DLGAP2: variants seen among roughly 807,000 people sequenced by gnomAD.
The protein encoded by DLGAP2 is disks large-associated protein 2.
A neutral mutation model predicts 100.3 loss-of-function variants in DLGAP2; 26 were observed. The ratio of observed to expected loss-of-function variants is 0.26; its 90% CI spans 0.19 to 0.36. DLGAP2 has a LOEUF of 0.36. Ranked by LOEUF, DLGAP2 falls within the 10% of genes least tolerant of loss-of-function variation. The probability of loss-of-function intolerance (pLI) is 1.00; values close to 1 mark genes in which losing one functional copy is unlikely to be tolerated. For synonymous variants in DLGAP2, 886 were observed against 630.1 expected (o/e 1.41, Z -6.08); for missense variants, 1,858 against 1,453.2 (o/e 1.28, Z -4.53).
chr8:1,013,530 G>C (rs1208497436), intron 2 of DLGAP2, among the ~76,000 whole-genome samples: 3 of 152,182 alleles, frequency 2.0e-5, no homozygotes, highest in Non-Finnish European at 4.4e-5. Context: ...ATGGGGGTGG[G>C]TGATGATGTT....
chr8:1,665,828 T>C (rs182708178), intron 8 of DLGAP2, among the ~76,000 whole-genome samples: 62 of 152,310 alleles, frequency 4.1e-4, no homozygotes, highest in African/African-American at 1.4e-3. Context: ...CCATGACAAA[T>C]GGGTTACCAT....
intron 1 of DLGAP2, among the ~76,000 whole-genome samples, chr8:831,916 G>T (rs771710520): frequency 6.6e-6 from 1 of 152,026 alleles, no homozygotes; most frequent in African/African-American, 2.4e-5. Flanking sequence ...GCTGACTGGC[G>T]TGAGATGGTA....
chr8:1,192,146 G>A (rs983351313), intron 2 of DLGAP2, among the ~76,000 whole-genome samples: 10 of 152,272 alleles, frequency 6.6e-5, no homozygotes, highest in Middle Eastern at 3.4e-3. Context: ...ACTGGCTGCC[G>A]TGATGGGCTG....
chr8:1,479,161 C>A (rs1584942018), intron 3 of DLGAP2, among the ~76,000 whole-genome samples: 1 of 152,246 alleles, frequency 6.6e-6, no homozygotes, highest in Non-Finnish European at 1.5e-5. Flanking sequence ...GTTTCTTCAG[C>A]GGCCTTGAAA....
chr8:1,257,513 G>A (rs117456419), intron 2 of DLGAP2, among the ~76,000 whole-genome samples: 3,992 of 75,648 alleles, frequency 0.053, 81 homozygotes, highest in Non-Finnish European at 0.099. Context: ...TTCCTGGGAC[G>A]TCTGTGCTCG....
At chr8:1,515,814 C>G (rs34953188) in intron 4 of DLGAP2, among the ~76,000 whole-genome samples, 23,175 of 152,250 alleles carry the variant, frequency 0.15, 1,908 homozygotes, top group Non-Finnish European at 0.16. Flanking sequence ...CAGTCTGTTC[C>G]CTGCTCCCAT....
chr8:1,521,009 G>T (rs1275294258), intron 4 of DLGAP2, among the ~76,000 whole-genome samples: 1 of 152,186 alleles, frequency 6.6e-6, no homozygotes, highest in Non-Finnish European at 1.5e-5. Flanking sequence ...GTCCTGGCCG[G>T]CGTGTGGTAC....
intron 3 of DLGAP2, among the ~76,000 whole-genome samples, chr8:1,374,199 G>A (rs1441242047): frequency 6.6e-6 from 1 of 151,620 alleles, no homozygotes; most frequent in African/African-American, 2.4e-5. Context: ...GGTTAGGGTC[G>A]GTTTGCAGAA....
intron 2 of DLGAP2, among the ~76,000 whole-genome samples, chr8:1,078,312 C>T (rs1422784925): frequency 1.3e-5 from 2 of 152,142 alleles, no homozygotes. Context: ...TACAGAGTTC[C>T]CACCTACTCT....
chr8:1,551,694 C>G (rs1449724372), intron 5 of DLGAP2, among the ~76,000 whole-genome samples: 2 of 152,114 alleles, frequency 1.3e-5, no homozygotes, highest in Non-Finnish European at 2.9e-5. Flanking sequence ...TCCATCTGCA[C>G]TCACGCCTTC....
intron 2 of DLGAP2, among the ~76,000 whole-genome samples, chr8:956,533 C>CA (rs1491486764): frequency 1.3e-5 from 2 of 152,152 alleles, no homozygotes; most frequent in South Asian, 2.1e-4. Flanking sequence ...AGACACCACT[C>CA]AGAGTTTTCT....
At chr8:923,772 G>A (rs557829584) in intron 2 of DLGAP2, among the ~76,000 whole-genome samples, 16 of 152,258 alleles carry the variant, frequency 1.1e-4, no homozygotes, top group Admixed American at 7.2e-4. Flanking sequence ...GGAGGAAAGC[G>A]TAACTAATTA....
chr8:1,362,556 G>T (rs1378749243), intron 3 of DLGAP2, among the ~76,000 whole-genome samples: 3 of 152,102 alleles, frequency 2.0e-5, no homozygotes, highest in African/African-American at 7.2e-5. Flanking sequence ...CCATGGTCTA[G>T]CCCTGATCTC....
rs1388571207 is a variant in DLGAP2, at chr8:1,449,113, TATTA to T, written c.107-52249_107-52246del. On this transcript the variant is annotated intron_variant, in intron 3 of 14. Coordinates refer to ENST00000637795, the MANE Select transcript of DLGAP2 (RefSeq NM_001346810.2). ...GTGCCTGTCATCCCGGCCTAATGAT[TATTA>T]ATTCCTGTTCTCTTTCCTCTCATCT... 2.3e-3 allele frequency among the ~76,000 whole-genome samples: 355 copies of T among 152,256 alleles called. 4 individuals carry two copies. Among genetic ancestry groups the T allele is most frequent in the Non-Finnish European group, 1.1e-3 (73 of 68,024 alleles).
chr8:1,389,589 C>T (rs1457029914), intron 3 of DLGAP2, among the ~76,000 whole-genome samples: 1 of 152,126 alleles, frequency 6.6e-6, no homozygotes, highest in Non-Finnish European at 1.5e-5. Context: ...TGATTTTTAT[C>T]CCACCAGGCT....
chr8:1,237,421 C>T (rs1305262184), intron 2 of DLGAP2, among the ~76,000 whole-genome samples: 2 of 136,634 alleles, frequency 1.5e-5, no homozygotes, highest in Non-Finnish European at 3.1e-5. Flanking sequence ...CACATGGTGC[C>T]GTGTCTAGTT....
chr8:1,453,030 T>C (rs1220415031), intron 3 of DLGAP2, among the ~76,000 whole-genome samples: 1 of 152,074 alleles, frequency 6.6e-6, no homozygotes, highest in Admixed American at 6.6e-5. Context: ...CTGAGTGCCA[T>C]CTGTGAAGGG....
At chr8:1,626,264 G>A (rs1459660206) in intron 6 of DLGAP2, among the ~76,000 whole-genome samples, 1 of 132,286 alleles carries the variant, frequency 7.6e-6, no homozygotes, top group Non-Finnish European at 1.6e-5. Context: ...CTCACCCTCT[G>A]GGTGTGGGTT....
intron 2 of DLGAP2, among the ~76,000 whole-genome samples, chr8:969,951 C>T (rs1347226513): frequency 6.6e-6 from 1 of 152,122 alleles, no homozygotes; most frequent in Non-Finnish European, 1.5e-5. Context: ...ATATTCAAAA[C>T]TATTATCTGA....
Sources: allele counts gnomAD v4.1 joint callset (sites outside exome capture counted in the v4.1 genomes callset), GRCh38; gene constraint gnomAD v4.1.1; transcripts MANE v1.5; gene names NCBI Gene and HGNC (gene_info 2026-07-23, HGNC 2026-07-21).